The following AP1S3 variants were observed in gnomAD, a reference collection of about 807,000 sequenced individuals.
AP1S3 encodes adaptor related protein complex 1 subunit sigma 3.
In AP1S3, 10 loss-of-function variants were observed where a neutral mutation model predicts 20.9. The observed-to-expected ratio is 0.48, with a 90% CI of 0.29 to 0.81. The LOEUF (loss-of-function observed/expected upper bound fraction) is 0.81, where lower values mean the gene tolerates loss of function less well. Among genes scored for constraint, AP1S3 ranks in the 30% least tolerant of loss-of-function variants. The probability of loss-of-function intolerance (pLI) is 0.08; values close to 1 mark genes in which losing one functional copy is unlikely to be tolerated. For synonymous variants in AP1S3, 41 were observed against 61.5 expected (o/e 0.67, Z 1.56); for missense variants, 154 against 183.8 (o/e 0.84, Z 0.94).
At chr2:223,777,131 C>A (rs934533848) in intron 2 of AP1S3, among the ~76,000 whole-genome samples, 1 of 152,252 alleles carries the variant, frequency 6.6e-6, no homozygotes, top group Non-Finnish European at 1.5e-5. Context: ...CATGATGGCT[C>A]ACGCCTGTAA....
intron 4 of AP1S3, 44 bp from the exon 5 acceptor site, chr2:223,758,794 C>T: frequency 1.3e-6 from 2 of 1,515,656 alleles, no homozygotes; most frequent in Non-Finnish European, 9.1e-7. Flanking sequence ...CTTTAAGTCA[C>T]AGCCTTCCGC....
chr2:223,780,024 A>T (rs1202849541), intron 1 of AP1S3, among the ~76,000 whole-genome samples: 1 of 151,850 alleles, frequency 6.6e-6, no homozygotes. Context: ...AAATGCCACG[A>T]CATAAATCAT....
chr2:223,836,104 C>T (rs1559151042), intron 1 of AP1S3, among the ~76,000 whole-genome samples: 1 of 152,236 alleles, frequency 6.6e-6, no homozygotes, highest in Non-Finnish European at 1.5e-5. Flanking sequence ...TGGCCAGGTG[C>T]TCAGCACTCC....
intron 1 of AP1S3, among the ~76,000 whole-genome samples, chr2:223,791,934 G>A (rs899391916): frequency 6.6e-6 from 1 of 151,956 alleles, no homozygotes; most frequent in Non-Finnish European, 1.5e-5. Context: ...ATTCACAATT[G>A]CCACAAAAGG....
Position 223,821,515 on chromosome 2 carries a change from T to C in AP1S3, c.3+15933A>G, listed in dbSNP as rs142770282. On this transcript the variant is annotated intron_variant, in intron 1 of 4. Transcript: ENST00000396654. ...AATTCTGGTAGGTATTCAATAAATATATGCCTAAAGCAAAATAGTAGTGCT... is the reference window on the plus strand; with the variant it reads ...AATTCTGGTAGGTATTCAATAAATACATGCCTAAAGCAAAATAGTAGTGCT... Among the ~76,000 whole-genome samples the C allele has an allele frequency of 5.5e-3, 833 of 152,330 alleles. 7 individuals are homozygous for C. The highest frequency in any genetic ancestry group is 0.019 in the African/African-American group (796 of 41,576).
rs1690277664 is a variant in AP1S3 at position 223,758,505 on chromosome 2, G to A, written c.*210C>T. On this transcript the variant is annotated 3_prime_UTR_variant, in exon 5 of 5. Transcript: ENST00000396654. Reference sequence around the variant, plus strand: ...ATTTAGAGCTACAAGTACCTATACAGTATAACACAGACACATAATTTTTTT... The same window carrying A: ...ATTTAGAGCTACAAGTACCTATACAATATAACACAGACACATAATTTTTTT... 7.8e-7 allele frequency: 1 copy of A among 1,275,626 alleles called. No individual in the cohort carries two copies. Among genetic ancestry groups the A allele is most frequent in the Admixed American group, 4.0e-5 (1 of 24,942 alleles). The allele number at this position is 1,275,626 out of a possible 1,614,324, so 79.0% of individuals were successfully genotyped here. A position where few individuals can be genotyped will look rare whatever the true frequency, so the allele number is the denominator to read the frequency against.
chr2:223,827,206 C>A (rs1338875507), intron 1 of AP1S3, among the ~76,000 whole-genome samples: 1 of 152,072 alleles, frequency 6.6e-6, no homozygotes, highest in Non-Finnish European at 1.5e-5. Context: ...GCGGGACTCT[C>A]TTATGTAGTG....
chr2:223,781,120 G>C (rs1045166865), intron 1 of AP1S3, among the ~76,000 whole-genome samples: 4 of 151,880 alleles, frequency 2.6e-5, no homozygotes, highest in Non-Finnish European at 5.9e-5. Context: ...ACATGATTTT[G>C]TTCTTTTTTA....
Position 223,755,528 on chromosome 2 carries a change from C to CTT in AP1S3, c.*3186_*3187insAA, listed in dbSNP as rs1559270524. ...CCATATAGATATGTTTACTTACTTT[C>CTT]ATTTTTTTTTTTTTTTTTTTGAGAC... On this transcript the variant is annotated 3_prime_UTR_variant, in exon 5 of 5. Coordinates refer to ENST00000396654, the MANE Select transcript of AP1S3 (RefSeq NM_001039569.2). 2.6e-3 allele frequency among the ~76,000 whole-genome samples: 214 copies of CTT among 80,988 alleles called. 1 individual carries two copies. Among genetic ancestry groups the CTT allele is most frequent in the African/African-American group, 9.1e-3 (201 of 22,092 alleles). The allele number at this position is 80,988 out of a possible 152,430, so 53.1% of individuals were successfully genotyped here.
intron 1 of AP1S3, among the ~76,000 whole-genome samples, chr2:223,821,249 A>C (rs975533028): frequency 1.3e-5 from 2 of 152,178 alleles, no homozygotes; most frequent in African/African-American, 4.8e-5. Flanking sequence ...TCCACCTCCC[A>C]GATTCAAGCG....
chr2:223,834,089 G>A (rs1348640423), intron 1 of AP1S3, among the ~76,000 whole-genome samples: 1 of 152,008 alleles, frequency 6.6e-6, no homozygotes, highest in Non-Finnish European at 1.5e-5. Context: ...TGTATTTTTA[G>A]TAGAGACAGT....
At chr2:223,766,070 G>T (rs1690470331) in intron 3 of AP1S3, among the ~76,000 whole-genome samples, 1 of 152,076 alleles carries the variant, frequency 6.6e-6, no homozygotes, top group African/African-American at 2.4e-5. Context: ...TCCAAATAAA[G>T]CTCATTTCCC....
At chr2:223,769,859 C>T (rs958600424) in intron 3 of AP1S3, among the ~76,000 whole-genome samples, 1 of 150,882 alleles carries the variant, frequency 6.6e-6, no homozygotes, top group Non-Finnish European at 1.5e-5. Flanking sequence ...ATTCTCCTGC[C>T]TCAGCCTCCC....
chr2:223,813,590 C>A (rs557964307), intron 1 of AP1S3, among the ~76,000 whole-genome samples: 6 of 152,154 alleles, frequency 3.9e-5, no homozygotes, highest in African/African-American at 1.4e-4. Flanking sequence ...GGCAGCAGAT[C>A]CCCAACTCTG....
intron 3 of AP1S3, among the ~76,000 whole-genome samples, chr2:223,768,642 G>C (rs560226591): frequency 2.0e-5 from 3 of 152,058 alleles, no homozygotes; most frequent in Non-Finnish European, 2.9e-5. Flanking sequence ...ATCACTTGAG[G>C]TCAAGAGTTC....
At chr2:223,828,999 C>T (rs1692199205) in intron 1 of AP1S3, among the ~76,000 whole-genome samples, 1 of 152,118 alleles carries the variant, frequency 6.6e-6, no homozygotes, top group Admixed American at 6.5e-5. Flanking sequence ...CTGCACCCAG[C>T]TAGTTTTTGT....
intron 1 of AP1S3, among the ~76,000 whole-genome samples, chr2:223,829,718 T>G (rs1034646502): frequency 6.6e-6 from 1 of 151,374 alleles, no homozygotes; most frequent in Admixed American, 6.6e-5. Context: ...GCACCTGTAA[T>G]CCCAGCTACT....
In AP1S3 at chr2:223,832,135, C is replaced by CTGTGTGTGTGTGTGTGTGTG. The variant is rs774812162; in HGVS notation, c.3+5293_3+5312dup. On this transcript the variant is annotated intron_variant, in intron 1 of 4. Coordinates refer to ENST00000396654, the MANE Select transcript of AP1S3 (RefSeq NM_001039569.2). ...GGGGATTATTAAAGGAGTTTTCTCT[C>CTGTGTGTGTGTGTGTGTGTG]TGTGTGTGTGTGTGTGTGTGTGTGT... Among the ~76,000 whole-genome samples, 5 of 70,784 alleles carry CTGTGTGTGTGTGTGTGTGTG rather than the reference C, an allele frequency of 7.1e-5. No individual in the cohort carries two copies. The East Asian group carries it at 1.5e-3, about 21-fold the overall frequency. 46.4% of individuals were successfully genotyped at this position (70,784 alleles called of 152,430 possible).
At chr2:223,759,447 C>T (rs981546425) in intron 4 of AP1S3, among the ~76,000 whole-genome samples, 9 of 152,054 alleles carry the variant, frequency 5.9e-5, no homozygotes, top group Non-Finnish European at 1.2e-4. Flanking sequence ...ACATATGTAT[C>T]GTTACCTATA....
Sources: allele counts gnomAD v4.1 joint callset (sites outside exome capture counted in the v4.1 genomes callset), GRCh38; gene constraint gnomAD v4.1.1; transcripts MANE v1.5; gene names NCBI Gene and HGNC (gene_info 2026-07-23, HGNC 2026-07-21).